Variants in RIGI observed in about 807,000 individuals in gnomAD.
RIGI encodes antiviral innate immune response receptor RIG-I.
the RIGI span, among the ~76,000 whole-genome samples, chr9:32,522,646 A>C: frequency 6.6e-6 from 1 of 152,206 alleles, no homozygotes; most frequent in Non-Finnish European, 1.5e-5. Flanking sequence ...GGGGAACAGT[A>C]ATGATACAGA....
At chr9:32,475,070 G>C in the RIGI span, among the ~76,000 whole-genome samples, 2 of 152,224 alleles carry the variant, frequency 1.3e-5, no homozygotes, top group African/African-American at 4.8e-5. Flanking sequence ...TCCTGCCTCA[G>C]TCTCCCAAGT....
chr9:32,496,583 T>G, the RIGI span, among the ~76,000 whole-genome samples: 2 of 152,158 alleles, frequency 1.3e-5, no homozygotes, highest in Admixed American at 1.3e-4. Flanking sequence ...CTCTTCTGAT[T>G]CTCCAGATTG....
the RIGI span, chr9:32,488,227 A>T: frequency 3.7e-6 from 6 of 1,609,190 alleles, no homozygotes; most frequent in Non-Finnish European, 5.1e-6. Flanking sequence ...GAAATTCCAT[A>T]TTACTAACCA....
the RIGI span, among the ~76,000 whole-genome samples, chr9:32,524,096 T>C: frequency 5.3e-5 from 8 of 152,272 alleles, no homozygotes; most frequent in Admixed American, 3.9e-4. Flanking sequence ...TGGACTCTAG[T>C]AGACATCCCA....
chr9:32,466,235 C>T, the RIGI span: 1 of 1,578,534 alleles, frequency 6.3e-7, no homozygotes, highest in Non-Finnish European at 8.7e-7. Flanking sequence ...CCATCCTCCT[C>T]ACATTCCCTG....
chr9:32,488,849 G>A, the RIGI span: 4 of 1,612,904 alleles, frequency 2.5e-6, no homozygotes, highest in South Asian at 3.3e-5. Flanking sequence ...TTAAGATGAT[G>A]TTCACATATA....
chr9:32,504,309 T>A, the RIGI span, among the ~76,000 whole-genome samples: 2 of 152,034 alleles, frequency 1.3e-5, no homozygotes, highest in Non-Finnish European at 2.9e-5. Context: ...CAAAAAAATA[T>A]GAGTCAAAAG....
chr9:32,505,338 G>C, the RIGI span, among the ~76,000 whole-genome samples: 1 of 151,994 alleles, frequency 6.6e-6, no homozygotes, highest in Non-Finnish European at 1.5e-5. Flanking sequence ...GACCTCAAGG[G>C]TATCTTTCAC....
the RIGI span, chr9:32,457,070 T>C: frequency 1.4e-6 from 2 of 1,417,592 alleles, no homozygotes; most frequent in South Asian, 2.4e-5. Context: ...TGTTTGTTTC[T>C]TCTCCACTCA....
At chr9:32,524,599 T>TC in the RIGI span, among the ~76,000 whole-genome samples, 15,523 of 112,860 alleles carry the variant, frequency 0.14, 1,654 homozygotes, top group South Asian at 0.32. Context: ...TTTTTCGGTT[T>TC]TTTTTTTTTT....
the RIGI span, among the ~76,000 whole-genome samples, chr9:32,521,164 T>G: frequency 1.6e-5 from 1 of 62,860 alleles, no homozygotes; most frequent in African/African-American, 5.9e-5. Flanking sequence ...AAAAAAAAAC[T>G]TCACAGAAAT....
chr9:32,511,727 A>C, the RIGI span, among the ~76,000 whole-genome samples: 1 of 152,222 alleles, frequency 6.6e-6, no homozygotes, highest in Non-Finnish European at 1.5e-5. Context: ...GAAATAACTA[A>C]GATCAGAGCA....
chr9:32,487,699 A>G, the RIGI span: 46 of 1,569,346 alleles, frequency 2.9e-5, no homozygotes, highest in South Asian at 3.0e-4. Context: ...AACCCCTCAT[A>G]TAACTCTTTC....
chr9:32,470,169 T>G, the RIGI span, among the ~76,000 whole-genome samples: 1 of 152,208 alleles, frequency 6.6e-6, no homozygotes, highest in Non-Finnish European at 1.5e-5. Flanking sequence ...GTATTCTCAG[T>G]AAAACCAAAA....
At chr9:32,485,581 C>T in the RIGI span, 3 of 425,958 alleles carry the variant, frequency 7.0e-6, no homozygotes, top group African/African-American at 4.4e-5. Flanking sequence ...CACTGTGTCA[C>T]CCAGGCTGGA....
the RIGI span, among the ~76,000 whole-genome samples, chr9:32,494,617 A>T: frequency 2.0e-5 from 3 of 150,078 alleles, no homozygotes; most frequent in South Asian, 4.5e-4. Context: ...TTTTGTTATA[A>T]AAAAAAAATC....
the RIGI span, among the ~76,000 whole-genome samples, chr9:32,470,908 A>T: frequency 6.6e-6 from 1 of 152,254 alleles, no homozygotes; most frequent in South Asian, 2.1e-4. Flanking sequence ...TCACACTGAT[A>T]AACTGAGTGA....
the RIGI span, among the ~76,000 whole-genome samples, chr9:32,482,792 GAGGTTGC>G: frequency 6.6e-6 from 1 of 151,952 alleles, no homozygotes; most frequent in Admixed American, 6.6e-5. Context: ...CCAGGAGACG[GAGGTTGC>G]AGTGAACCGA....
chr9:32,518,331 T>C, the RIGI span, among the ~76,000 whole-genome samples: 1 of 151,264 alleles, frequency 6.6e-6, no homozygotes, highest in Admixed American at 6.6e-5. Flanking sequence ...TAATTTTGTA[T>C]GACAAAGCAT....
Sources: gnomAD v4.1 joint callset for allele counts (sites outside exome capture counted in the v4.1 genomes callset) on GRCh38, gnomAD v4.1.1 for gene constraint, MANE v1.5 for transcripts, NCBI Gene and HGNC (gene_info 2026-07-23, HGNC 2026-07-21) for gene names.